The following UTRN variants were observed in gnomAD, a reference collection of about 807,000 sequenced individuals.
The protein encoded by UTRN is utrophin.
Under a neutral mutation model 463.9 loss-of-function variants are expected in UTRN, and 283 were observed. That is an observed-to-expected ratio of 0.61 (90% CI 0.55 to 0.67). UTRN has a LOEUF of 0.67. UTRN is among the 30% of genes least tolerant of loss of function. The pLI, the probability that UTRN is intolerant of heterozygous loss-of-function variation, is 0.00. For missense variants in UTRN, 3,922 were observed against 4,084.3 expected (o/e 0.96, Z 1.08); for synonymous variants, 1,442 against 1,431.5 (o/e 1.01, Z -0.17).
chr6:144,751,885 A>T lies in UTRN; in HGVS notation c.8288A>T (p.Asp2763Val), dbSNP rs750793647. Residue 2763 changes from aspartate (D) to valine (V), a missense_variant, in exon 56 of 75, where the codon GAC becomes GTC. Physicochemically the swap from Asp to Val is radical, Grantham distance 152. This residue lies in a region of UTRN where 1,309 missense variants were observed against 1,452.6 expected (regional missense o/e 0.90). Transcript: ENST00000367545. Reference sequence around the variant, plus strand: ...TTATCCAGTCAGCTGTCTCCACTTGACCTGCATCCCTCTCTAAAGATGTCT... The same window carrying T: ...TTATCCAGTCAGCTGTCTCCACTTGTCCTGCATCCCTCTCTAAAGATGTCT... ...NDLSSQLSPL[D>V]LHPSLKMSRQ... is the part of the protein sequence containing the mutation. 16 of 1,612,622 alleles carry T rather than the reference A, an allele frequency of 9.9e-6. No homozygotes were observed. The highest frequency in any genetic ancestry group is 5.3e-5 in the African/African-American group (4 of 74,816).
intron 53 of UTRN, among the ~76,000 whole-genome samples, chr6:144,723,850 TA>T (rs960011517): frequency 2.7e-5 from 4 of 147,546 alleles, no homozygotes; most frequent in Middle Eastern, 3.2e-3. Context: ...AAAACGTATG[TA>T]AAAAAAAAAT....
At chr6:144,447,806 T>C (rs1282630993) in intron 16 of UTRN, 25 bp downstream of exon 16, 7 of 1,580,710 alleles carry the variant, frequency 4.4e-6, no homozygotes, top group South Asian at 1.2e-5. Flanking sequence ...GGATCATATG[T>C]TGTGCCATGA....
At chr6:144,769,733 G>A (rs958448785) in intron 58 of UTRN, among the ~76,000 whole-genome samples, 6 of 152,140 alleles carry the variant, frequency 3.9e-5, no homozygotes, top group African/African-American at 1.2e-4. Flanking sequence ...CATCATGATG[G>A]GATGTCTGTC....
At chr6:144,425,203 G>T (rs1785186722) in intron 6 of UTRN, among the ~76,000 whole-genome samples, 2 of 152,140 alleles carry the variant, frequency 1.3e-5, no homozygotes, top group Non-Finnish European at 1.5e-5. Flanking sequence ...CAGTGGGCTT[G>T]GGCTTGGCTG....
At chr6:144,569,848 C>T (rs373610732) in intron 50 of UTRN, among the ~76,000 whole-genome samples, 21 of 152,182 alleles carry the variant, frequency 1.4e-4, no homozygotes, top group East Asian at 5.8e-4. Flanking sequence ...TGTGATTTGA[C>T]GACTTTACCT....
intron 46 of UTRN, among the ~76,000 whole-genome samples, chr6:144,545,291 G>C (rs1443408054): frequency 6.6e-6 from 1 of 152,176 alleles, no homozygotes; most frequent in Non-Finnish European, 1.5e-5. Flanking sequence ...ATAGCAGATA[G>C]AGTGATTCTT....
chr6:144,361,211 C>T (rs972122050), intron 2 of UTRN, among the ~76,000 whole-genome samples: 2 of 152,160 alleles, frequency 1.3e-5, no homozygotes, highest in African/African-American at 2.4e-5. Flanking sequence ...ACTTTCCACC[C>T]ACTTTCTTTA....
At chr6:144,361,237 C>G (rs1374993128) in intron 2 of UTRN, among the ~76,000 whole-genome samples, 1 of 152,188 alleles carries the variant, frequency 6.6e-6, no homozygotes, top group Non-Finnish European at 1.5e-5. Flanking sequence ...TAGTTTGACT[C>G]AGGGGCTTGC....
intron 51 of UTRN, among the ~76,000 whole-genome samples, chr6:144,662,711 C>G (rs1039275420): frequency 6.6e-6 from 1 of 152,188 alleles, no homozygotes; most frequent in Non-Finnish European, 1.5e-5. Flanking sequence ...TTGAGGCCAA[C>G]AGCTGAGCAG....
At chr6:144,377,198 T>C (rs12665269) in intron 2 of UTRN, among the ~76,000 whole-genome samples, 25,352 of 151,928 alleles carry the variant, frequency 0.17, 4,362 homozygotes, top group African/African-American at 0.44. Context: ...CCACCACACC[T>C]GGCTAATTTT....
At chr6:144,789,109 C>T in intron 61 of UTRN, 85 bp from the exon 62 acceptor site, 6 of 1,085,836 alleles carry the variant, frequency 5.5e-6, no homozygotes, top group South Asian at 3.2e-5. Context: ...TGGTTTACCC[C>T]CAAGAAAATA....
intron 69 of UTRN, among the ~76,000 whole-genome samples, chr6:144,829,961 A>G (rs991315828): frequency 6.6e-6 from 1 of 152,138 alleles, no homozygotes; most frequent in Non-Finnish European, 1.5e-5. Flanking sequence ...ATAAAGGTGT[A>G]TTCATAATGT....
chr6:144,380,620 G>C (rs1216724268), intron 2 of UTRN, among the ~76,000 whole-genome samples: 1 of 151,834 alleles, frequency 6.6e-6, no homozygotes, highest in African/African-American at 2.4e-5. Flanking sequence ...AGATCAGCCT[G>C]GGCAACACAG....
chr6:144,782,977 C>T (rs902603822), intron 61 of UTRN, among the ~76,000 whole-genome samples: 4 of 152,072 alleles, frequency 2.6e-5, no homozygotes, highest in Admixed American at 2.6e-4. Context: ...GGGTGGATCA[C>T]CTGAGGTTAG....
At chr6:144,817,486 T>C (rs1779190923) in intron 65 of UTRN, among the ~76,000 whole-genome samples, 1 of 152,162 alleles carries the variant, frequency 6.6e-6, no homozygotes, top group South Asian at 2.1e-4. Flanking sequence ...ATATTTATTA[T>C]GGTAAGTGGG....
rs4129965 is a variant in UTRN, at chr6:144,436,043, C to A, written c.964C>A (p.Leu322Met). The change falls in exon 10 of 75, where the codon CTG (leucine) becomes ATG (methionine). Residue 322 changes from leucine to methionine, a missense_variant. Physicochemically the swap from Leu to Met is conservative, Grantham distance 15. Coordinates refer to ENST00000367545, the MANE Select transcript of UTRN (RefSeq NM_007124.3). ...DSYQIALEEV[L>M]TWLLSAEDTF... The stretch of plus-strand genomic sequence containing the variant: ...CTATCAGATTGCGTTGGAGGAAGTG[C>A]TGACCTGGTTGCTTTCTGCTGAGGA... 184 of 1,614,088 alleles carry A rather than the reference C, an allele frequency of 1.1e-4. No individual in the cohort carries two copies. The highest frequency in any genetic ancestry group is 1.5e-4 in the Non-Finnish European group (173 of 1,180,048).
In UTRN at chr6:144,447,703, G is replaced by A. The variant is rs755611340; in HGVS notation, c.1824G>A (p.Lys608=). ...GQLLDNSKAS[K]KINSDSEELT... is the part of the protein sequence containing the mutation. ...TACTTGATAATTCCAAGGCATCTAAGAAGATCAACAGTGACTCAGAGGAAC... is the reference window on the plus strand; with the variant it reads ...TACTTGATAATTCCAAGGCATCTAAAAAGATCAACAGTGACTCAGAGGAAC... Residue 608 remains lysine, a synonymous_variant, in exon 16 of 75, where the codon AAG becomes AAA. Coordinates refer to ENST00000367545, the MANE Select transcript of UTRN (RefSeq NM_007124.3). 13 of 1,614,074 alleles carry A rather than the reference G, an allele frequency of 8.1e-6. No individual in the cohort carries two copies. Among genetic ancestry groups the A allele is most frequent in the South Asian group, 7.7e-5 (7 of 91,082 alleles).
chr6:144,728,451 T>G (rs924721172), intron 53 of UTRN, among the ~76,000 whole-genome samples: 5 of 149,584 alleles, frequency 3.3e-5, no homozygotes, highest in African/African-American at 1.2e-4. Context: ...ATATTAAAAC[T>G]TTAAGTGCCA....
Position 144,748,425 on chromosome 6 carries a change from A to T in UTRN, c.8119A>T (p.Met2707Leu). Residue 2707 changes from methionine to leucine, a missense_variant, in exon 55 of 75, where the codon ATG (methionine) becomes TTG (leucine). Around this residue, in one of 3 missense-constraint regions of UTRN, gnomAD observed 1,309 missense variants for 1,452.6 expected, o/e 0.90. Transcript: ENST00000367545. ...AGCTATGGATGACCTGGACGCTGAC[A>T]TGAAGGAGGCAGAGTCCGTGCGGAA... ...QGAMDDLDAD[M>L]KEAESVRNGW... 1 of 1,613,998 alleles carries T rather than the reference A, an allele frequency of 6.2e-7. No homozygotes were observed. Among genetic ancestry groups the T allele is most frequent in the Non-Finnish European group, 8.5e-7 (1 of 1,179,944 alleles).
Sources: gnomAD v4.1 joint callset for allele counts (sites outside exome capture counted in the v4.1 genomes callset) on GRCh38, gnomAD v4.1.1 for gene constraint, gnomAD v4.1.1 regional missense constraint, MANE v1.5 for transcripts, NCBI Gene and HGNC (gene_info 2026-07-23, HGNC 2026-07-21) for gene names.